Variants in AKAP19 observed in about 807,000 individuals in gnomAD.
The protein encoded by AKAP19 is A-kinase anchoring protein 19.
the AKAP19 span, among the ~76,000 whole-genome samples, chr2:189,998,771 C>CTTTTTTTTTTTTTTTTTT: frequency 2.9e-4 from 28 of 97,542 alleles, no homozygotes; most frequent in South Asian, 7.3e-4. Flanking sequence ...TTCTTTCTTT[C>CTTTTTTTTTTTTTTTTTT]TTTTTTTTTT....
the AKAP19 span, among the ~76,000 whole-genome samples, chr2:189,983,137 C>T: frequency 1.3e-5 from 2 of 152,120 alleles, no homozygotes; most frequent in Non-Finnish European, 2.9e-5. Context: ...AGTTCCTCAT[C>T]CTGAGCCAGC....
At chr2:190,178,609 G>C in the AKAP19 span, among the ~76,000 whole-genome samples, 1 of 152,210 alleles carries the variant, frequency 6.6e-6, no homozygotes, top group Non-Finnish European at 1.5e-5. The surrounding 1 kb of genome is among the most constrained non-coding windows in gnomAD (Gnocchi z 6.3). Context: ...CCAGCCCTAT[G>C]ATGGCGAAGG....
At chr2:189,981,773 A>G in the AKAP19 span, among the ~76,000 whole-genome samples, 1 of 152,206 alleles carries the variant, frequency 6.6e-6, no homozygotes, top group Non-Finnish European at 1.5e-5. Context: ...TTAGTTTGGC[A>G]GGATATGAAA....
At chr2:189,950,982 G>T in the AKAP19 span, among the ~76,000 whole-genome samples, 1 of 152,058 alleles carries the variant, frequency 6.6e-6, no homozygotes, top group African/African-American at 2.4e-5. Context: ...GAGGGTTGGG[G>T]TGGGGGTAGT....
chr2:190,004,259 A>G, the AKAP19 span, among the ~76,000 whole-genome samples: 4 of 151,138 alleles, frequency 2.6e-5, no homozygotes, highest in African/African-American at 9.7e-5. Flanking sequence ...TGTACCCTAA[A>G]ACTTAAAGTA....
chr2:190,059,935 G>T, the AKAP19 span: 1 of 915,168 alleles, frequency 1.1e-6, no homozygotes, highest in African/African-American at 1.7e-5. Flanking sequence ...CAGGGCTACC[G>T]TTGGGGTAAG....
At chr2:189,907,653 G>A in the AKAP19 span, among the ~76,000 whole-genome samples, 1 of 152,104 alleles carries the variant, frequency 6.6e-6, no homozygotes, top group African/African-American at 2.4e-5. Context: ...AGCAGGGCAT[G>A]TAGTAGGCAC....
the AKAP19 span, among the ~76,000 whole-genome samples, chr2:190,187,950 T>C: frequency 2.7e-3 from 417 of 152,286 alleles, 4 homozygotes; most frequent in East Asian, 0.019. Context: ...CTGAGGATAG[T>C]GTCAGGGCTC....
chr2:190,188,912 A>G, the AKAP19 span, among the ~76,000 whole-genome samples: 1 of 152,186 alleles, frequency 6.6e-6, no homozygotes, highest in Non-Finnish European at 1.5e-5. Flanking sequence ...TTACTAATCC[A>G]TTCAATTAGG....
the AKAP19 span, chr2:190,181,052 G>C: frequency 1.4e-5 from 14 of 985,464 alleles, no homozygotes; most frequent in South Asian, 4.7e-5. Context: ...GGCTGCCTCC[G>C]GGACCCCACG....
At chr2:190,189,026 A>G in the AKAP19 span, among the ~76,000 whole-genome samples, 3 of 152,214 alleles carry the variant, frequency 2.0e-5, no homozygotes, top group Admixed American at 6.5e-5. Flanking sequence ...CATTTTTCCC[A>G]ACACAGGACT....
chr2:189,924,067 A>G, the AKAP19 span: 5 of 1,536,252 alleles, frequency 3.3e-6, no homozygotes, highest in South Asian at 5.6e-5. Flanking sequence ...AGGGGGGTGC[A>G]GATGACTCTG....
At chr2:189,973,226 A>G in the AKAP19 span, among the ~76,000 whole-genome samples, 1 of 152,214 alleles carries the variant, frequency 6.6e-6, no homozygotes, top group African/African-American at 2.4e-5. Flanking sequence ...CCTTTTCTGC[A>G]TCTATTGAGA....
At chr2:190,151,918 G>T in the AKAP19 span, among the ~76,000 whole-genome samples, 1 of 152,044 alleles carries the variant, frequency 6.6e-6, no homozygotes, top group Admixed American at 6.6e-5. Context: ...CACAAGAATT[G>T]CTTTAATCTG....
the AKAP19 span, among the ~76,000 whole-genome samples, chr2:190,163,460 A>C: frequency 3.5e-3 from 530 of 149,994 alleles, 1 homozygote; most frequent in Middle Eastern, 6.9e-3. Flanking sequence ...AAAAACAAAA[A>C]AAAAAAAAAC....
the AKAP19 span, among the ~76,000 whole-genome samples, chr2:189,927,895 A>G: frequency 6.6e-6 from 1 of 152,202 alleles, no homozygotes. Context: ...GAGCATAGAT[A>G]TAGAACACTA....
chr2:189,961,763 T>C, the AKAP19 span, among the ~76,000 whole-genome samples: 4 of 151,854 alleles, frequency 2.6e-5, no homozygotes, highest in Non-Finnish European at 5.9e-5. Flanking sequence ...AATACAAAAA[T>C]TAGCCAGGCA....
At chr2:190,045,613 G>A in the AKAP19 span, among the ~76,000 whole-genome samples, 11 of 152,168 alleles carry the variant, frequency 7.2e-5, no homozygotes, top group African/African-American at 2.7e-4. Context: ...CAGCAAAGAT[G>A]GGAAGCCCAC....
At chr2:190,102,923 A>G in the AKAP19 span, among the ~76,000 whole-genome samples, 1 of 152,198 alleles carries the variant, frequency 6.6e-6, no homozygotes, top group Non-Finnish European at 1.5e-5. Context: ...TCCCTGATGA[A>G]CATAGATACA....
Sources: allele counts gnomAD v4.1 joint callset (sites outside exome capture counted in the v4.1 genomes callset), GRCh38; gene constraint gnomAD v4.1.1; non-coding constraint Gnocchi (gnomAD v3.1); transcripts MANE v1.5; gene names NCBI Gene and HGNC (gene_info 2026-07-23, HGNC 2026-07-21).